The following CREBBP variants were observed in gnomAD, a reference collection of about 807,000 sequenced individuals.
CREBBP encodes CREB-binding protein.
A neutral mutation model predicts 265.0 loss-of-function variants in CREBBP; 19 were observed. The observed-to-expected ratio is 0.07, with a 90% confidence interval of 0.05 to 0.11. The LOEUF (loss-of-function observed/expected upper bound fraction) is 0.11, where lower values mean the gene tolerates loss of function less well. CREBBP is among the 10% of genes least tolerant of loss of function. The probability of loss-of-function intolerance (pLI) is 1.00; values close to 1 mark genes in which losing one functional copy is unlikely to be tolerated. For synonymous variants in CREBBP, 1,457 were observed against 1,223.7 expected (o/e 1.19, Z -3.98); for missense variants, 2,525 against 3,219.0 (o/e 0.78, Z 5.22).
intron 2 of CREBBP, among the ~76,000 whole-genome samples, chr16:3,836,676 A>T (rs1005426774): frequency 2.6e-5 from 4 of 152,200 alleles, no homozygotes; most frequent in African/African-American, 4.8e-5. Flanking sequence ...AAAATATTTT[A>T]AAAATATAGG....
At chr16:3,736,242 C>A (rs925894558) in intron 27 of CREBBP, 39 bp from the exon 28 acceptor site, 1 of 1,598,092 alleles carries the variant, frequency 6.3e-7, no homozygotes, top group Admixed American at 1.7e-5. Context: ...GAGGGCCATG[C>A]ACGCGTGCCC....
rs532808042 is a variant in CREBBP at position 3,822,509 on chromosome 16, T to A, written c.799-11730A>T. On this transcript the variant is annotated intron_variant, in intron 2 of 30. Transcript: ENST00000262367. The stretch of plus-strand genomic sequence containing the variant: ...TTCTTGAACTGGGCAGGCCGTCAGC[T>A]CTACTGTGGGAGCAGGAAGAACAGC... Among the ~76,000 whole-genome samples the A allele has an allele frequency of 2.0e-5, 3 of 152,202 alleles. No individual in the cohort carries two copies. The South Asian group carries it at 6.2e-4, about 32-fold the overall frequency.
chr16:3,777,017 C>CA (rs1197070083), intron 11 of CREBBP, among the ~76,000 whole-genome samples: 1 of 146,268 alleles, frequency 6.8e-6, no homozygotes, highest in South Asian at 2.2e-4. Flanking sequence ...GGCTCTGTCT[C>CA]AAAAAAATAA....
At chr16:3,818,178 A>AT (rs1374781491) in intron 2 of CREBBP, among the ~76,000 whole-genome samples, 1 of 152,050 alleles carries the variant, frequency 6.6e-6, no homozygotes, top group Non-Finnish European at 1.5e-5. Context: ...CATGTGACCA[A>AT]TGGGGGGCCG....
chr16:3,869,527 G>C (rs2055248643), intron 1 of CREBBP, among the ~76,000 whole-genome samples: 1 of 152,190 alleles, frequency 6.6e-6, no homozygotes, highest in Non-Finnish European at 1.5e-5. Context: ...AAGAGGATAA[G>C]TAAATGTACT....
chr16:3,805,867 A>C (rs1453369848), intron 3 of CREBBP, among the ~76,000 whole-genome samples: 1 of 152,214 alleles, frequency 6.6e-6, no homozygotes, highest in Non-Finnish European at 1.5e-5. Context: ...GTTCCAGCAG[A>C]ACACAAAGAA....
chr16:3,838,083 C>T lies in CREBBP; in HGVS notation c.798+12214G>A, dbSNP rs566651803. Among the ~76,000 whole-genome samples the T allele has an allele frequency of 2.6e-5, 4 of 152,310 alleles. No individual in the cohort carries two copies. The South Asian group carries it at 6.2e-4, about 24-fold the overall frequency. On this transcript the variant is annotated intron_variant, in intron 2 of 30. Transcript: ENST00000262367. ...TCACAGGCTCAAGTGATCCTCCGGC[C>T]TCACCCTCCTAAAGTGCTGGGATTG...
At chr16:3,873,164 G>A (rs1226872839) in intron 1 of CREBBP, among the ~76,000 whole-genome samples, 1 of 152,118 alleles carries the variant, frequency 6.6e-6, no homozygotes, top group Non-Finnish European at 1.5e-5. Flanking sequence ...ATTATACACA[G>A]TAAACAAACA....
intron 2 of CREBBP, among the ~76,000 whole-genome samples, chr16:3,848,964 C>T (rs542608898): frequency 3.0e-4 from 45 of 152,162 alleles, no homozygotes; most frequent in Non-Finnish European, 5.6e-4. Context: ...CTCTCGTTTC[C>T]GACATTCACA....
chr16:3,768,312 A>G (rs2052915135), intron 15 of CREBBP, among the ~76,000 whole-genome samples: 1 of 151,302 alleles, frequency 6.6e-6, no homozygotes, highest in South Asian at 2.1e-4. Flanking sequence ...CACTCGGCTA[A>G]TTTTTTATAT....
chr16:3,742,232 C>T (rs543361729), intron 23 of CREBBP: 1 of 152,278 alleles, frequency 6.6e-6, no homozygotes, highest in African/African-American at 2.4e-5. Flanking sequence ...GGGGTCTAGG[C>T]GCAGGCCGTG....
chr16:3,737,670 G>A lies in CREBBP; in HGVS notation c.4395-855C>T, dbSNP rs559137131. 1.1e-4 allele frequency among the ~76,000 whole-genome samples: 16 copies of A among 152,192 alleles called. 1 individual carries two copies. In the East Asian group the frequency reaches 3.1e-3, roughly 29 times the overall value. ...GTACAGACAGGGTTTCACCATGTTG[G>A]TCAGGCTGGTCTTGAACTCCTGATC... is the stretch of plus-strand genomic sequence containing the variant. On this transcript the variant is annotated intron_variant, in intron 26 of 30. Coordinates refer to ENST00000262367, the MANE Select transcript of CREBBP (RefSeq NM_004380.3).
chr16:3,759,043 C>A, intron 16 of CREBBP, 71 bp from the exon 17 acceptor site: 3 of 1,217,672 alleles, frequency 2.5e-6, no homozygotes, highest in South Asian at 1.2e-5. Context: ...ACATTTAAAA[C>A]GGAATCCTGG....
intron 13 of CREBBP, among the ~76,000 whole-genome samples, chr16:3,773,203 C>G (rs1222978371): frequency 1.3e-5 from 2 of 151,982 alleles, no homozygotes; most frequent in East Asian, 3.8e-4. Flanking sequence ...CGCACTACAA[C>G]TAACAAAAGA....
intron 4 of CREBBP, among the ~76,000 whole-genome samples, chr16:3,792,962 G>A (rs915841781): frequency 1.4e-4 from 21 of 152,212 alleles, no homozygotes; most frequent in African/African-American, 4.8e-4. Context: ...GAGCAAGGCC[G>A]CAGGCCACCA....
chr16:3,853,637 CA>C lies in CREBBP; in HGVS notation c.86-2629del, dbSNP rs769601837. ...ACTCCATCTCAAAAAAACAAACAAACAAAAAACACCATACATCGGCCAGGCA... is the reference window on the plus strand; with the variant it reads ...ACTCCATCTCAAAAAAACAAACAAACAAAAACACCATACATCGGCCAGGCA... On this transcript the variant is annotated intron_variant, in intron 1 of 30. Transcript: ENST00000262367. Among the ~76,000 whole-genome samples the C allele has an allele frequency of 1.5e-3, 223 of 147,582 alleles. 5 individuals are homozygous for C. Among genetic ancestry groups the C allele is most frequent in the Middle Eastern group, 0.012 (3 of 242 alleles).
At chr16:3,735,961 C>T in intron 28 of CREBBP, 75 bp downstream of exon 28, 1 of 1,613,074 alleles carries the variant, frequency 6.2e-7, no homozygotes, top group Non-Finnish European at 8.5e-7. Flanking sequence ...TAACAGTCGA[C>T]ACGCGCCTCC....
Position 3,727,457 on chromosome 16 carries a change from C to T in CREBBP, c.*261G>A. The T allele has an allele frequency of 7.1e-6, 2 of 283,142 alleles. No individual in the cohort carries two copies. Among genetic ancestry groups the T allele is most frequent in the South Asian group, 6.4e-5 (1 of 15,656 alleles). 17.5% of individuals were successfully genotyped at this position (283,142 alleles called of 1,614,324 possible). ...AGAATCCAAACAAAACCCCCCTCCC[C>T]CCAAACAAAAACAAAACGGAAAAAA... is the stretch of plus-strand genomic sequence containing the variant. On this transcript the variant is annotated 3_prime_UTR_variant, in exon 31 of 31. Transcript: ENST00000262367.
intron 2 of CREBBP, among the ~76,000 whole-genome samples, chr16:3,827,492 C>A (rs1185037765): frequency 6.6e-6 from 1 of 151,970 alleles, no homozygotes; most frequent in African/African-American, 2.4e-5. Flanking sequence ...TCCAGGTTCA[C>A]GAGATTCTTC....
Sources: allele counts gnomAD v4.1 joint callset (sites outside exome capture counted in the v4.1 genomes callset), GRCh38; gene constraint gnomAD v4.1.1; transcripts MANE v1.5; gene names NCBI Gene and HGNC (gene_info 2026-07-23, HGNC 2026-07-21).